The following DNAH8 variants were observed in gnomAD, a reference collection of about 807,000 sequenced individuals.
DNAH8 encodes dynein axonemal heavy chain 8, also known as axonemal beta dynein heavy chain 8.
DNAH8 carries 382 observed loss-of-function variants against 562.1 expected under a neutral mutation model. The ratio of observed to expected loss-of-function variants is 0.68; its 90% CI spans 0.63 to 0.74. The LOEUF (loss-of-function observed/expected upper bound fraction) is 0.74. Among genes scored for constraint, DNAH8 ranks in the 30% least tolerant of loss-of-function variants. The pLI, the probability that DNAH8 is intolerant of heterozygous loss-of-function variation, is 0.00. For missense variants in DNAH8, 5,203 were observed against 5,620.4 expected (o/e 0.93, Z 2.37); for synonymous variants, 1,881 against 1,919.4 (o/e 0.98, Z 0.52).
intron 1 of DNAH8, among the ~76,000 whole-genome samples, chr6:38,715,925 A>AATAAATATATATATATATAT: frequency 2.7e-5 from 1 of 36,890 alleles, no homozygotes; most frequent in East Asian, 5.9e-4. Flanking sequence ...TAAATAAATA[A>AATAAATATATATATATATAT]ATATATATAT....
intron 33 of DNAH8, among the ~76,000 whole-genome samples, chr6:38,839,044 C>T (rs1054510301): frequency 3.3e-5 from 5 of 152,148 alleles, no homozygotes; most frequent in African/African-American, 1.2e-4. Flanking sequence ...GGTTTGTATT[C>T]TCTTTCTAAA....
Position 38,958,669 on chromosome 6 carries a change from A to AAAAAAAG in DNAH8, c.12451+7149_12451+7150insAAAAAAG, listed in dbSNP as rs1554145830. On this transcript the variant is annotated intron_variant, in intron 82 of 92. Transcript: ENST00000327475. ...ATCAAAAAAAAAAAAAAAAAAAAAA[A>AAAAAAAG]GCCCAGGAACTGATGGCTTCATTAT... Among the ~76,000 whole-genome samples the AAAAAAAG allele has an allele frequency of 1.4e-5, 2 of 147,940 alleles. 1 individual carries two copies. The highest frequency in any genetic ancestry group is 5.1e-5 in the African/African-American group (2 of 39,284).
chr6:38,969,122 G>A (rs1430716635), intron 82 of DNAH8, among the ~76,000 whole-genome samples: 1 of 152,142 alleles, frequency 6.6e-6, no homozygotes, highest in Non-Finnish European at 1.5e-5. Context: ...GGAATGGGAA[G>A]TGACTGCTAA....
chr6:38,931,546 T>G (rs1398692532), intron 75 of DNAH8, among the ~76,000 whole-genome samples: 1 of 152,194 alleles, frequency 6.6e-6, no homozygotes. Flanking sequence ...AAGTTTTCCT[T>G]TATTCACCGT....
chr6:38,929,672 C>T lies in DNAH8; in HGVS notation c.11274+6C>T. The T allele has an allele frequency of 2.4e-6, 3 of 1,240,292 alleles. No individual in the cohort carries two copies. Among genetic ancestry groups the T allele is most frequent in the Non-Finnish European group, 2.1e-6 (2 of 950,150 alleles). 76.8% of individuals were successfully genotyped at this position (1,240,292 alleles called of 1,614,324 possible). A position where few individuals can be genotyped will look rare whatever the true frequency, so the allele number is the denominator to read the frequency against. ...AATCTGGCACCACTTTCAAGGTGAGCTTTGTAAAAAAAAAAAAAAAGAAAG... is the reference window on the plus strand; with the variant it reads ...AATCTGGCACCACTTTCAAGGTGAGTTTTGTAAAAAAAAAAAAAAAGAAAG... On this transcript the variant is annotated splice_donor_region_variant and intron_variant, in intron 75 of 92. Transcript: ENST00000327475.
intron 76 of DNAH8, among the ~76,000 whole-genome samples, 190 bp downstream of exon 76, chr6:38,932,183 AACAC>A (rs70981599): frequency 6.2e-4 from 87 of 139,864 alleles, no homozygotes; most frequent in Middle Eastern, 7.5e-3. Context: ...TCCAGCCTGA[AACAC>A]ACACACACAC....
intron 86 of DNAH8, among the ~76,000 whole-genome samples, chr6:38,982,688 C>A (rs1764117571): frequency 1.3e-5 from 2 of 152,148 alleles, no homozygotes; most frequent in South Asian, 2.1e-4. Flanking sequence ...AATACCGCAG[C>A]CTTCCTCATG....
At chr6:38,864,183 C>A in intron 45 of DNAH8, 123 bp downstream of exon 45, 1 of 867,192 alleles carries the variant, frequency 1.2e-6, no homozygotes, top group South Asian at 1.8e-5. Flanking sequence ...TCTCTCTTAC[C>A]ATATGATTTT....
chr6:38,819,488 A>G (rs1428788420), intron 26 of DNAH8, among the ~76,000 whole-genome samples: 1 of 152,188 alleles, frequency 6.6e-6, no homozygotes, highest in African/African-American at 2.4e-5. Context: ...ACCCACACAT[A>G]GACTTAAATA....
At chr6:38,921,171 C>CGTAATTAAAAATTT (rs1781675671) in intron 70 of DNAH8, among the ~76,000 whole-genome samples, 198 bp from the exon 71 acceptor site, 1 of 152,132 alleles carries the variant, frequency 6.6e-6, no homozygotes, top group South Asian at 2.1e-4. Flanking sequence ...CATGAGCCAC[C>CGTAATTAAAAATTT]ACACCTGGCC....
chr6:39,028,663 T>C (rs1767458579), intron 92 of DNAH8, among the ~76,000 whole-genome samples: 1 of 152,214 alleles, frequency 6.6e-6, no homozygotes, highest in Non-Finnish European at 1.5e-5. Flanking sequence ...CACTATTCTA[T>C]CTACCACACC....
intron 43 of DNAH8, among the ~76,000 whole-genome samples, 186 bp from the exon 44 acceptor site, chr6:38,862,094 T>G (rs970054716): frequency 6.6e-6 from 1 of 152,128 alleles, no homozygotes; most frequent in Admixed American, 6.6e-5. Flanking sequence ...TCAAGAAATC[T>G]TTGGGCTCAC....
chr6:38,824,603 C>T (rs1387980867), intron 28 of DNAH8, among the ~76,000 whole-genome samples: 2 of 152,044 alleles, frequency 1.3e-5, no homozygotes, highest in East Asian at 3.9e-4. Flanking sequence ...CCATTATCCA[C>T]CTTAAGTAGA....
intron 54 of DNAH8, 78 bp from the exon 55 acceptor site, chr6:38,883,244 A>G: frequency 6.9e-7 from 1 of 1,459,394 alleles, no homozygotes; most frequent in Non-Finnish European, 9.2e-7. Flanking sequence ...TTTATAGAAG[A>G]CTAGCCCATA....
At chr6:38,795,342 G>A (rs1448145600) in intron 21 of DNAH8, among the ~76,000 whole-genome samples, 5 of 152,208 alleles carry the variant, frequency 3.3e-5, no homozygotes, top group African/African-American at 1.2e-4. Context: ...CACTTTGGGA[G>A]GCCGAGGCAG....
chr6:38,728,802 A>G (rs1432297750), intron 3 of DNAH8, among the ~76,000 whole-genome samples: 1 of 152,212 alleles, frequency 6.6e-6, no homozygotes, highest in Non-Finnish European at 1.5e-5. Context: ...TTGTGTTTTT[A>G]AAAAGCCCTC....
At chr6:38,883,494 T>C (rs768591767) in intron 55 of DNAH8, 38 bp downstream of exon 55, 2 of 1,559,834 alleles carry the variant, frequency 1.3e-6, no homozygotes, top group East Asian at 4.6e-5. Context: ...ATAAACATAA[T>C]ACATTTTAAA....
intron 19 of DNAH8, 56 bp downstream of exon 19, chr6:38,789,939 GT>G: frequency 7.3e-7 from 1 of 1,370,770 alleles, no homozygotes; most frequent in Non-Finnish European, 1.0e-6. Context: ...TTAGATTTCG[GT>G]TCTATAAACT....
chr6:39,022,010 C>T (rs1042512919), intron 91 of DNAH8, among the ~76,000 whole-genome samples: 1 of 152,200 alleles, frequency 6.6e-6, no homozygotes, highest in Non-Finnish European at 1.5e-5. Flanking sequence ...TGTTGGATTA[C>T]TACTATTATA....
Sources: allele counts gnomAD v4.1 joint callset (sites outside exome capture counted in the v4.1 genomes callset), GRCh38; gene constraint gnomAD v4.1.1; transcripts MANE v1.5; gene names NCBI Gene and HGNC (gene_info 2026-07-23, HGNC 2026-07-21).